Variants in DYTN observed in about 807,000 individuals in gnomAD.
DYTN encodes the protein dystrotelin.
In DYTN, 75 loss-of-function variants were observed where a neutral mutation model predicts 69.6. The ratio of observed to expected loss-of-function variants is 1.08; its 90% CI spans 0.89 to 1.31. DYTN has a LOEUF of 1.31. DYTN is among the 50% of genes most tolerant of loss of function. The pLI is 0.00. For synonymous variants in DYTN, 252 were observed against 249.1 expected (o/e 1.01, Z -0.11); for missense variants, 726 against 688.4 (o/e 1.05, Z -0.61).
Position 206,707,416 on chromosome 2 carries a change from T to A in DYTN, c.182A>T (p.Gln61Leu), listed in dbSNP as rs756599388. 6.2e-7 allele frequency: 1 copy of A among 1,613,252 alleles called. No homozygotes were observed. Among genetic ancestry groups the A allele is most frequent in the East Asian group, 2.2e-5 (1 of 44,856 alleles). Reference protein sequence around the residue: ...EARKHSLSVQQLSQALQELFQ... With the variant: ...EARKHSLSVQLLSQALQELFQ... ...CAGCTCTTGGAGTGCCTGAGAAAGT[T>A]GCTGCACAGAAAGGGAGTGCTTGCG... Residue 61 changes from glutamine to leucine, a missense_variant, in exon 3 of 12, where the codon CAA (glutamine) becomes CTA (leucine). Transcript: ENST00000452335.
intron 9 of DYTN, among the ~76,000 whole-genome samples, chr2:206,685,390 T>G (rs574608085): frequency 6.6e-6 from 1 of 152,006 alleles, no homozygotes; most frequent in African/African-American, 2.4e-5. Context: ...CTCGAACTCC[T>G]GGGGTCAAGC....
intron 11 of DYTN, among the ~76,000 whole-genome samples, chr2:206,661,537 CT>C (rs1278787648): frequency 7.2e-5 from 11 of 152,138 alleles, no homozygotes; most frequent in African/African-American, 2.7e-4. Flanking sequence ...AGACCAACCC[CT>C]CCTCCTCCCT....
In DYTN at chr2:206,703,944, G is replaced by A. The variant is rs369028876; in HGVS notation, c.483+899C>T. On this transcript the variant is annotated intron_variant, in intron 5 of 11. Transcript: ENST00000452335. ...GTTTAATCCTTTTGCAGAACTTCTT[G>A]CTTGGTTACATCAATTTACATCATT... Among the ~76,000 whole-genome samples, 7 of 152,278 alleles carry A rather than the reference G, an allele frequency of 4.6e-5. No homozygotes were observed. The East Asian group carries it at 1.2e-3, about 25-fold the overall frequency.
At chr2:206,675,660 T>G (rs754372045) in intron 9 of DYTN, among the ~76,000 whole-genome samples, 6 of 152,130 alleles carry the variant, frequency 3.9e-5, no homozygotes, top group Non-Finnish European at 7.4e-5. Context: ...ATAGGTTTAA[T>G]GCAAAGCTAA....
chr2:206,717,254 AGT>A (rs1255733436), intron 1 of DYTN, among the ~76,000 whole-genome samples: 6 of 152,228 alleles, frequency 3.9e-5, no homozygotes, highest in Non-Finnish European at 8.8e-5. Context: ...CAGCTACATC[AGT>A]ATATTTATTT....
At chr2:206,700,256 G>T in intron 5 of DYTN, 40 bp from the exon 6 acceptor site, 2 of 1,608,954 alleles carry the variant, frequency 1.2e-6, no homozygotes, top group Non-Finnish European at 1.7e-6. Flanking sequence ...AGAAAGTGGA[G>T]AAATATGTCG....
chr2:206,663,460 A>G, intron 10 of DYTN, 65 bp from the exon 11 acceptor site: 1 of 1,452,074 alleles, frequency 6.9e-7, no homozygotes, highest in Non-Finnish European at 9.1e-7. Context: ...TAAATGCATT[A>G]CATTTCAACA....
At position 206,663,406 on chromosome 2, in the gene DYTN, A is replaced by G. The variant is rs1188637295; in HGVS notation, c.1141-11T>C. On this transcript the variant is annotated splice_polypyrimidine_tract_variant and intron_variant, in intron 10 of 11. Coordinates refer to ENST00000452335, the MANE Select transcript of DYTN (RefSeq NM_001093730.1). ...TGGCTGCAACCTTGCCTGGGGAAAC[A>G]AAACTTTATTTATGAAGAAATTAAT... 2 of 1,557,008 alleles carry G rather than the reference A, an allele frequency of 1.3e-6. No individual in the cohort carries two copies. Among genetic ancestry groups the G allele is most frequent in the South Asian group, 1.2e-5 (1 of 82,166 alleles).
At chr2:206,669,507 C>A (rs1699608622) in intron 9 of DYTN, among the ~76,000 whole-genome samples, 1 of 152,100 alleles carries the variant, frequency 6.6e-6, no homozygotes, top group African/African-American at 2.4e-5. Flanking sequence ...CAGCCTTACA[C>A]TTTGGTACAC....
At position 206,694,727 on chromosome 2, in the gene DYTN, T is replaced by C. The variant is rs16838589; in HGVS notation, c.831+39A>G. On this transcript the variant is annotated intron_variant, in intron 8 of 11. Coordinates refer to ENST00000452335, the MANE Select transcript of DYTN (RefSeq NM_001093730.1). ...TTCATGGCTATAGCTTATACTGAAT[T>C]GATTAATGAATAGTTTGGTATGTGA... The C allele has an allele frequency of 3.4e-3, 5,171 of 1,519,764 alleles. 143 individuals are homozygous for C. In the African/African-American group the frequency reaches 0.062, roughly 18 times the overall value. The allele number at this position is 1,519,764 out of a possible 1,614,324, so 94.1% of individuals were successfully genotyped here.
intron 2 of DYTN, among the ~76,000 whole-genome samples, chr2:206,710,185 C>CT (rs910814821): frequency 7.3e-5 from 11 of 151,268 alleles, no homozygotes; most frequent in East Asian, 1.9e-4. Context: ...TTTGAAAATA[C>CT]TTTTTTTTTG....
At chr2:206,665,276 ATT>A (rs2105888838) in intron 10 of DYTN, among the ~76,000 whole-genome samples, 1 of 152,264 alleles carries the variant, frequency 6.6e-6, no homozygotes, top group South Asian at 2.1e-4. Context: ...AGAAAAACAT[ATT>A]GTTTAAAAAT....
At chr2:206,666,656 C>T (rs1403587956) in intron 9 of DYTN, among the ~76,000 whole-genome samples, 1 of 152,036 alleles carries the variant, frequency 6.6e-6, no homozygotes, top group African/African-American at 2.4e-5. Context: ...GATTGTAGGT[C>T]TGCTTTGGCT....
At chr2:206,652,142 G>C (rs1033045416) in intron 11 of DYTN, among the ~76,000 whole-genome samples, 2 of 152,182 alleles carry the variant, frequency 1.3e-5, no homozygotes, top group African/African-American at 2.4e-5. Context: ...CTTTCCCACG[G>C]CTCCTTGCAC....
At chr2:206,698,135 A>T (rs1699940433) in intron 7 of DYTN, among the ~76,000 whole-genome samples, 1 of 152,130 alleles carries the variant, frequency 6.6e-6, no homozygotes, top group Admixed American at 6.5e-5. Flanking sequence ...CCCATTGTCC[A>T]ATATAAATAA....
intron 9 of DYTN, among the ~76,000 whole-genome samples, chr2:206,668,305 C>T (rs1486689755): frequency 1.3e-5 from 2 of 152,286 alleles, no homozygotes; most frequent in South Asian, 2.1e-4. Flanking sequence ...GACATAAATC[C>T]CTATCCTTCC....
At chr2:206,661,409 C>T (rs1440043917) in intron 11 of DYTN, among the ~76,000 whole-genome samples, 1 of 152,114 alleles carries the variant, frequency 6.6e-6, no homozygotes, top group Non-Finnish European at 1.5e-5. Flanking sequence ...ACAACTTAAG[C>T]TTTCTTAGAA....
chr2:206,718,342 T>C lies in DYTN; in HGVS notation c.-63A>G. 8 of 1,557,210 alleles carry C rather than the reference T, an allele frequency of 5.1e-6. No individual in the cohort carries two copies. The highest frequency in any genetic ancestry group is 7.0e-6 in the Non-Finnish European group (8 of 1,144,880). On this transcript the variant is annotated 5_prime_UTR_variant, in exon 1 of 12. Coordinates refer to ENST00000452335, the MANE Select transcript of DYTN (RefSeq NM_001093730.1). The stretch of plus-strand genomic sequence containing the variant: ...CCCTGTAACTAGAAATGAACCAGTA[T>C]TTTAAGCAGAAGGTTTTGCAGCAGA...
intron 9 of DYTN, among the ~76,000 whole-genome samples, chr2:206,671,596 G>A (rs1699630658): frequency 1.3e-5 from 2 of 152,162 alleles, no homozygotes; most frequent in South Asian, 4.1e-4. Flanking sequence ...CCTCTATTCA[G>A]TCTCTATATA....
Sources: gnomAD v4.1 joint callset for allele counts (sites outside exome capture counted in the v4.1 genomes callset) on GRCh38, gnomAD v4.1.1 for gene constraint, MANE v1.5 for transcripts, NCBI Gene and HGNC (gene_info 2026-07-23, HGNC 2026-07-21) for gene names.